The following TAF12 variants were observed in gnomAD, a reference collection of about 807,000 sequenced individuals.
The protein encoded by TAF12 is transcription initiation factor TFIID subunit 12.
Under a neutral mutation model 20.8 loss-of-function variants are expected in TAF12, and 3 were observed. The ratio of observed to expected loss-of-function variants is 0.14; its 90% CI spans 0.07 to 0.37. The LOEUF (loss-of-function observed/expected upper bound fraction) is 0.37. Among genes scored for constraint, TAF12 ranks in the 10% least tolerant of loss-of-function variants. The pLI is 1.00. For synonymous variants in TAF12, 69 were observed against 70.2 expected (o/e 0.98, Z 0.09); for missense variants, 131 against 197.9 (o/e 0.66, Z 2.03).
At position 28,639,372 on chromosome 1, in the gene TAF12, C is replaced by T. The variant is rs1386998254; in HGVS notation, c.-85+3620G>A. On this transcript the variant is annotated intron_variant, in intron 1 of 5. Transcript: ENST00000373824. The stretch of plus-strand genomic sequence containing the variant: ...TGAAAGTTGGAGTGAGCCAAGATTG[C>T]ACCACTGCTCTCCAGCCTGGGTAAC... Among the ~76,000 whole-genome samples the T allele has an allele frequency of 9.6e-5, 14 of 146,048 alleles. No individual in the cohort carries two copies. The Admixed American group carries it at 9.8e-4, about 10-fold the overall frequency.
At chr1:28,625,397 G>C (rs1181596847) in intron 1 of TAF12, among the ~76,000 whole-genome samples, 1 of 152,068 alleles carries the variant, frequency 6.6e-6, no homozygotes, top group South Asian at 2.1e-4. Context: ...TTGAGACAAG[G>C]TCTCATTTTG....
intron 1 of TAF12, among the ~76,000 whole-genome samples, chr1:28,632,139 CAGAAAT>C (rs1425565926): frequency 6.6e-6 from 1 of 152,066 alleles, no homozygotes; most frequent in African/African-American, 2.4e-5. Context: ...ATGGAATACT[CAGAAAT>C]AGAAAGGAAA....
upstream of TAF12, chr1:28,643,505 A>AG (rs1378230516): frequency 6.6e-6 from 1 of 152,220 alleles, no homozygotes; most frequent in Non-Finnish European, 1.5e-5. Flanking sequence ...GAACCAGGAG[A>AG]TGAGAGAGAT....
chr1:28,625,520 A>G (rs1570319139), intron 1 of TAF12, among the ~76,000 whole-genome samples: 1 of 149,750 alleles, frequency 6.7e-6, no homozygotes, highest in East Asian at 2.0e-4. Context: ...ACATGTGCAC[A>G]CCACTGCACC....
intron 1 of TAF12, among the ~76,000 whole-genome samples, chr1:28,622,724 T>C (rs1342452652): frequency 1.3e-5 from 2 of 151,692 alleles, no homozygotes; most frequent in South Asian, 2.1e-4. Flanking sequence ...CCTATCTCTG[T>C]AAAAATTTAG....
At chr1:28,618,069 A>G (rs574988246) in intron 2 of TAF12, 39 bp from the exon 3 acceptor site, 2 of 1,566,728 alleles carry the variant, frequency 1.3e-6, no homozygotes, top group Admixed American at 1.8e-5. Context: ...ACCAGATATT[A>G]AGGAAATGAA....
At chr1:28,639,797 A>G (rs1202537658) in intron 1 of TAF12, among the ~76,000 whole-genome samples, 1 of 152,182 alleles carries the variant, frequency 6.6e-6, no homozygotes, top group African/African-American at 2.4e-5. Flanking sequence ...AGTTCATGAT[A>G]TAATTAACTG....
chr1:28,647,611 C>A (rs372624414), upstream of TAF12, among the ~76,000 whole-genome samples: 34 of 152,298 alleles, frequency 2.2e-4, no homozygotes, highest in African/African-American at 7.9e-4. Context: ...CGGTGGCTCA[C>A]GCCTATAATC....
upstream of TAF12, chr1:28,643,364 GCCC>G (rs1441937864): frequency 2.6e-5 from 4 of 154,140 alleles, no homozygotes; most frequent in African/African-American, 9.6e-5. Context: ...GGTAATTGAC[GCCC>G]TCGGATGGCT....
intron 1 of TAF12, among the ~76,000 whole-genome samples, chr1:28,627,161 T>C (rs1408622572): frequency 1.3e-5 from 2 of 151,070 alleles, no homozygotes; most frequent in South Asian, 4.2e-4. Context: ...CCAATGTGTG[T>C]GGATCACTTG....
chr1:28,603,548 G>C lies in TAF12; in HGVS notation c.477C>G (p.Thr159=), dbSNP rs770684835. The change falls in exon 6 of 6, where the codon ACC becomes ACG. Residue 159 remains threonine (T), a synonymous_variant. Coordinates refer to ENST00000373824, the MANE Select transcript of TAF12 (RefSeq NM_005644.4). ...CTGACCTTTCCGTGTGTTATTTCTT[G>C]GTTGTTTTCCGGATCAATGCCATTC... is the stretch of plus-strand genomic sequence containing the variant. The part of the protein sequence containing the change: ...KQRMALIRKT[T]KK The C allele has an allele frequency of 1.9e-6, 3 of 1,613,728 alleles. No individual in the cohort carries two copies. Among genetic ancestry groups the C allele is most frequent in the Middle Eastern group, 1.6e-4 (1 of 6,062 alleles).
chr1:28,603,603 A>ACAG, intron 5 of TAF12, 29 bp from the exon 6 acceptor site: 1 of 1,613,306 alleles, frequency 6.2e-7, no homozygotes, highest in Non-Finnish European at 8.5e-7. Context: ...AAGCAGTTAT[A>ACAG]CAGCAGCAGC....
chr1:28,621,742 ACT>A (rs1260659245), intron 2 of TAF12, among the ~76,000 whole-genome samples, 170 bp downstream of exon 2: 1 of 152,172 alleles, frequency 6.6e-6, no homozygotes, highest in Non-Finnish European at 1.5e-5. Flanking sequence ...GCCCAAATAA[ACT>A]CTCTACTTAT....
intron 4 of TAF12, 100 bp from the exon 5 acceptor site, chr1:28,605,560 T>C: frequency 9.4e-7 from 1 of 1,068,816 alleles, no homozygotes; most frequent in Non-Finnish European, 1.4e-6. Context: ...TGTGGGCATC[T>C]GGCTACTAAC....
intron 1 of TAF12, among the ~76,000 whole-genome samples, chr1:28,625,141 C>G (rs1165001793): frequency 6.6e-6 from 1 of 152,212 alleles, no homozygotes; most frequent in Non-Finnish European, 1.5e-5. Flanking sequence ...CTCTCAAAAA[C>G]ATTCCCACAA....
chr1:28,630,454 A>C (rs1667578012), intron 1 of TAF12, among the ~76,000 whole-genome samples: 1 of 151,994 alleles, frequency 6.6e-6, no homozygotes, highest in African/African-American at 2.4e-5. Context: ...CTCGAGGCTG[A>C]GGCAGGAGAA....
intron 1 of TAF12, among the ~76,000 whole-genome samples, chr1:28,629,390 C>T (rs1348316452): frequency 6.6e-6 from 1 of 152,122 alleles, no homozygotes; most frequent in Non-Finnish European, 1.5e-5. Flanking sequence ...GGCTGGAATA[C>T]AGTGGCCATG....
chr1:28,621,122 C>T (rs1557464201), intron 2 of TAF12, among the ~76,000 whole-genome samples: 2 of 152,172 alleles, frequency 1.3e-5, no homozygotes, highest in Admixed American at 6.6e-5. Context: ...ATGTTCTGCC[C>T]TACCTATACA....
intron 1 of TAF12, among the ~76,000 whole-genome samples, chr1:28,628,785 A>C (rs946688545): frequency 3.9e-5 from 6 of 152,234 alleles, no homozygotes; most frequent in African/African-American, 1.4e-4. Flanking sequence ...ATTGAAACAC[A>C]TGTATTGCCG....
Sources: gnomAD v4.1 joint callset for allele counts (sites outside exome capture counted in the v4.1 genomes callset) on GRCh38, gnomAD v4.1.1 for gene constraint, MANE v1.5 for transcripts, NCBI Gene and HGNC (gene_info 2026-07-23, HGNC 2026-07-21) for gene names.